LRRC8C: variants seen among roughly 807,000 people sequenced by gnomAD.
LRRC8C encodes the protein volume-regulated anion channel subunit LRRC8C.
Under a neutral mutation model 55.3 loss-of-function variants are expected in LRRC8C, and 20 were observed. That is an observed-to-expected ratio of 0.36 (90% CI 0.25 to 0.53). The LOEUF is 0.53. Ranked by LOEUF, LRRC8C falls within the 20% of genes least tolerant of loss-of-function variation. LRRC8C has a pLI of 0.92. For synonymous variants in LRRC8C, 376 were observed against 360.7 expected, an observed-to-expected ratio of 1.04 and a Z score of -0.48; for missense variants, 659 against 951.4, an observed-to-expected ratio of 0.69 and a Z score of 4.04.
chr1:89,681,320 AC>A (rs1240479610), intron 1 of LRRC8C, among the ~76,000 whole-genome samples: 1 of 152,192 alleles, frequency 6.6e-6, no homozygotes, highest in Non-Finnish European at 1.5e-5. Flanking sequence ...AGGTCTATCT[AC>A]CTTCTCTTTA....
chr1:89,699,609 G>A (rs1429020687), intron 2 of LRRC8C, among the ~76,000 whole-genome samples: 1 of 152,246 alleles, frequency 6.6e-6, no homozygotes, highest in Non-Finnish European at 1.5e-5. Context: ...AACAGGAAAT[G>A]ATGCCACATA....
At chr1:89,624,154 C>A in the LRRC8C span, among the ~76,000 whole-genome samples, 1 of 152,176 alleles carries the variant, frequency 6.6e-6, no homozygotes, top group Admixed American at 6.5e-5. Flanking sequence ...GGAATATCAA[C>A]CTTTTATGAG....
At chr1:89,691,273 C>T (rs192198084) in intron 2 of LRRC8C, among the ~76,000 whole-genome samples, 152 of 152,166 alleles carry the variant, frequency 1.0e-3, no homozygotes, top group African/African-American at 3.4e-3. Flanking sequence ...GTGAGGGACT[C>T]AAGAAGATAA....
intron 1 of LRRC8C, among the ~76,000 whole-genome samples, chr1:89,633,746 C>A (rs182463936): frequency 4.8e-4 from 73 of 152,324 alleles, no homozygotes; most frequent in Non-Finnish European, 8.7e-4. Flanking sequence ...CTATCACCCC[C>A]CTGCCACCTC....
At chr1:89,685,212 G>A (rs538478523) in intron 1 of LRRC8C, among the ~76,000 whole-genome samples, 9 of 143,840 alleles carry the variant, frequency 6.3e-5, no homozygotes, top group South Asian at 2.3e-4. Context: ...TCCGCTTCCC[G>A]GGTTCACGCC....
upstream of LRRC8C, among the ~76,000 whole-genome samples, chr1:89,632,452 G>A (rs78837226): frequency 1.3e-5 from 2 of 152,156 alleles, no homozygotes; most frequent in Non-Finnish European, 2.9e-5. Flanking sequence ...TTGTCAAGGG[G>A]CTCAAGGGCT....
chr1:89,672,104 G>A (rs1158570502), intron 1 of LRRC8C, among the ~76,000 whole-genome samples: 1 of 152,058 alleles, frequency 6.6e-6, no homozygotes, highest in African/African-American at 2.4e-5. Context: ...ATTTTAAGAG[G>A]GGAAAAACAA....
intron 1 of LRRC8C, among the ~76,000 whole-genome samples, chr1:89,677,126 C>T (rs902191976): frequency 2.0e-5 from 3 of 152,134 alleles, no homozygotes; most frequent in South Asian, 2.1e-4. Context: ...TAATCAGAAA[C>T]GAATAATATC....
rs1216087119 is a variant in LRRC8C, at chr1:89,713,999, T to G, written c.1429T>G (p.Cys477Gly). Residue 477 changes from cysteine (C) to glycine (G), a missense_variant, in exon 3 of 3, where the codon TGT (cysteine) becomes GGT (glycine). Around this residue, in one of 5 missense-constraint regions of LRRC8C, gnomAD observed 344 missense variants for 464.6 expected, o/e 0.74. Coordinates refer to ENST00000370454, the MANE Select transcript of LRRC8C (RefSeq NM_032270.5). The surrounding 1 kb of genome is among the most constrained non-coding windows in gnomAD (Gnocchi z 5.2). Reference sequence around the variant, plus strand: ...TCTTCAAGAGCTCTCTCTGCACCAGTGTTCTGTCAAAATCCACAGTGCGGC... The same window carrying G: ...TCTTCAAGAGCTCTCTCTGCACCAGGGTTCTGTCAAAATCCACAGTGCGGC... ...DNLQELSLHQ[C>G]SVKIHSAALS... 2 of 1,613,144 alleles carry G rather than the reference T, an allele frequency of 1.2e-6. No individual in the cohort carries two copies. The highest frequency in any genetic ancestry group is 1.7e-6 in the Non-Finnish European group (2 of 1,180,004).
chr1:89,619,013 G>A, the LRRC8C span, among the ~76,000 whole-genome samples: 1 of 152,164 alleles, frequency 6.6e-6, no homozygotes, highest in Non-Finnish European at 1.5e-5. Context: ...CTACTCTGTA[G>A]ATCACAAATT....
intron 2 of LRRC8C, among the ~76,000 whole-genome samples, chr1:89,691,284 T>C (rs2101298425): frequency 6.6e-6 from 1 of 152,348 alleles, no homozygotes; most frequent in East Asian, 1.9e-4. Flanking sequence ...AAGAAGATAA[T>C]TGAGTGAAGT....
chr1:89,656,524 C>T (rs533629156), intron 1 of LRRC8C, among the ~76,000 whole-genome samples: 1 of 152,228 alleles, frequency 6.6e-6, no homozygotes, highest in Non-Finnish European at 1.5e-5. Context: ...ACATTTGAGA[C>T]CTCTGGGTTT....
the LRRC8C span, among the ~76,000 whole-genome samples, chr1:89,618,528 T>C: frequency 6.6e-6 from 1 of 152,138 alleles, no homozygotes; most frequent in Non-Finnish European, 1.5e-5. Flanking sequence ...TTGAACTGGA[T>C]AAAACTAAAA....
intron 1 of LRRC8C, among the ~76,000 whole-genome samples, chr1:89,654,866 T>C (rs1656895033): frequency 7.3e-6 from 1 of 137,348 alleles, no homozygotes; most frequent in Non-Finnish European, 1.5e-5. Context: ...GCTAGCACTT[T>C]AGTAAGCCTT....
chr1:89,655,850 G>A (rs1408271603), intron 1 of LRRC8C, among the ~76,000 whole-genome samples: 1 of 152,230 alleles, frequency 6.6e-6, no homozygotes. Context: ...TCTCAGAGGT[G>A]GGGAGGAAGG....
chr1:89,640,646 A>G (rs1359200313), intron 1 of LRRC8C, among the ~76,000 whole-genome samples: 1 of 152,232 alleles, frequency 6.6e-6, no homozygotes, highest in Non-Finnish European at 1.5e-5. Flanking sequence ...TGTCCAGCAC[A>G]CATAACTTTC....
chr1:89,713,399 A>G lies in LRRC8C; in HGVS notation c.829A>G (p.Ile277Val). The change falls in exon 3 of 3, where the codon ATT becomes GTT. Residue 277 changes from isoleucine to valine, a missense_variant. Physicochemically the swap from Ile to Val is conservative, Grantham distance 29 (BLOSUM62 3). Around this residue, in one of 5 missense-constraint regions of LRRC8C, gnomAD observed 200 missense variants for 360.5 expected, o/e 0.55. Coordinates refer to ENST00000370454, the MANE Select transcript of LRRC8C (RefSeq NM_032270.5). This position sits in a 1 kb window ranked among gnomAD's most constrained non-coding sequence, Gnocchi z 5.2. ...TAAAGTTATCAAATTCCTAATCATCATTGCATATAATAGTGCTCTGGTTTC... is the reference window on the plus strand; with the variant it reads ...TAAAGTTATCAAATTCCTAATCATCGTTGCATATAATAGTGCTCTGGTTTC... ...VLKVIKFLIIIAYNSALVSKV... is the reference protein window; with the variant it reads ...VLKVIKFLIIVAYNSALVSKV... 1 of 1,614,176 alleles carries G rather than the reference A, an allele frequency of 6.2e-7. No individual in the cohort carries two copies. The highest frequency in any genetic ancestry group is 1.1e-5 in the South Asian group (1 of 91,082).
intron 1 of LRRC8C, among the ~76,000 whole-genome samples, chr1:89,685,013 CG>C (rs1657827719): frequency 6.6e-6 from 1 of 150,440 alleles, no homozygotes; most frequent in South Asian, 2.1e-4. Flanking sequence ...TGCAGCAAGA[CG>C]GAATAGATAA....
chr1:89,674,526 A>G (rs1657504329), intron 1 of LRRC8C, among the ~76,000 whole-genome samples: 1 of 152,198 alleles, frequency 6.6e-6, no homozygotes, highest in African/African-American at 2.4e-5. Flanking sequence ...TTAAATATTC[A>G]TTAGCTGGAC....
Sources: gnomAD v4.1 joint callset for allele counts (sites outside exome capture counted in the v4.1 genomes callset) on GRCh38, gnomAD v4.1.1 for gene constraint, gnomAD v4.1.1 regional missense constraint, Gnocchi (gnomAD v3.1) non-coding constraint, MANE v1.5 for transcripts, NCBI Gene and HGNC (gene_info 2026-07-23, HGNC 2026-07-21) for gene names.